The following DDR2 variants were observed in gnomAD, a reference collection of about 807,000 sequenced individuals.
DDR2 encodes the protein discoidin domain receptor tyrosine kinase 2.
DDR2 carries 27 observed loss-of-function variants against 94.9 expected under a neutral mutation model. The ratio of observed to expected loss-of-function variants is 0.28; its 90% confidence interval spans 0.21 to 0.39. The LOEUF (loss-of-function observed/expected upper bound fraction) is 0.39. Among genes scored for constraint, DDR2 ranks in the 10% least tolerant of loss-of-function variants. The pLI is 1.00. For missense variants in DDR2, 783 were observed against 1,076.0 expected (o/e 0.73, Z 3.81); for synonymous variants, 382 against 377.2 (o/e 1.01, Z -0.15).
intron 2 of DDR2, among the ~76,000 whole-genome samples, chr1:162,707,351 T>G (rs576808841): frequency 6.6e-6 from 1 of 152,360 alleles, no homozygotes; most frequent in African/African-American, 2.4e-5. Context: ...CAAACCAGTC[T>G]GTTCTGAATT....
intron 2 of DDR2, among the ~76,000 whole-genome samples, chr1:162,657,798 T>G (rs1481008631): frequency 6.6e-6 from 1 of 151,862 alleles, no homozygotes; most frequent in Non-Finnish European, 1.5e-5. Flanking sequence ...CACCCTCTCC[T>G]TCCTCTTTTC....
chr1:162,666,510 T>C (rs1261853203), intron 2 of DDR2, among the ~76,000 whole-genome samples: 1 of 152,174 alleles, frequency 6.6e-6, no homozygotes, highest in Non-Finnish European at 1.5e-5. Context: ...TTACTAGTTA[T>C]GTAATCTTGA....
intron 2 of DDR2, among the ~76,000 whole-genome samples, chr1:162,713,280 C>T (rs891760405): frequency 4.6e-5 from 7 of 152,134 alleles, no homozygotes; most frequent in Non-Finnish European, 7.4e-5. Flanking sequence ...CTCCAACTCT[C>T]GGAAATGCAC....
At chr1:162,671,723 C>G (rs1392307890) in intron 2 of DDR2, among the ~76,000 whole-genome samples, 1 of 152,182 alleles carries the variant, frequency 6.6e-6, no homozygotes, top group Non-Finnish European at 1.5e-5. Flanking sequence ...TGGACACCTC[C>G]TCGTGAAAGC....
At chr1:162,682,624 T>A (rs1295968133) in intron 2 of DDR2, among the ~76,000 whole-genome samples, 1 of 152,232 alleles carries the variant, frequency 6.6e-6, no homozygotes, top group Non-Finnish European at 1.5e-5. Flanking sequence ...CAAATTCCAA[T>A]TCTATTGCTT....
intron 1 of DDR2, among the ~76,000 whole-genome samples, chr1:162,642,896 T>C (rs764158569): frequency 2.0e-5 from 3 of 152,214 alleles, no homozygotes; most frequent in Admixed American, 6.5e-5. Context: ...CTGCTTAATA[T>C]CATGTTTGGA....
intron 1 of DDR2, among the ~76,000 whole-genome samples, chr1:162,648,791 C>T (rs1657542194): frequency 6.6e-6 from 1 of 152,116 alleles, no homozygotes; most frequent in Non-Finnish European, 1.5e-5. Context: ...GTGGAACAAG[C>T]ACATCAGCTG....
chr1:162,679,836 A>T (rs61811971), intron 2 of DDR2, among the ~76,000 whole-genome samples: 9,754 of 152,092 alleles, frequency 0.064, 360 homozygotes, highest in Admixed American at 0.082. Context: ...TCTGATGAGT[A>T]TGAGATGGTA....
At chr1:162,669,660 T>C (rs1450378285) in intron 2 of DDR2, among the ~76,000 whole-genome samples, 1 of 152,258 alleles carries the variant, frequency 6.6e-6, no homozygotes, top group Non-Finnish European at 1.5e-5. Flanking sequence ...TAATGGCTAA[T>C]ATTTATGAAG....
At chr1:162,725,577 C>G (rs1339588361) in intron 3 of DDR2, among the ~76,000 whole-genome samples, 1 of 152,110 alleles carries the variant, frequency 6.6e-6, no homozygotes, top group Non-Finnish European at 1.5e-5. Flanking sequence ...AGGGGTTTTG[C>G]CATGTTGGCC....
intron 2 of DDR2, among the ~76,000 whole-genome samples, chr1:162,671,162 T>C (rs1658819927): frequency 6.6e-6 from 1 of 151,940 alleles, no homozygotes. Context: ...CCTGAGGAGC[T>C]GGGGGCAGTG....
intron 7 of DDR2, among the ~76,000 whole-genome samples, 154 bp downstream of exon 7, chr1:162,755,923 A>T (rs1292447595): frequency 6.6e-6 from 1 of 152,246 alleles, no homozygotes; most frequent in Non-Finnish European, 1.5e-5. Flanking sequence ...AGGAATACAC[A>T]TGACCTTTAT....
chr1:162,755,571 C>G (rs186645922), intron 6 of DDR2, 93 bp from the exon 7 acceptor site: 1 of 1,255,716 alleles, frequency 8.0e-7, no homozygotes, highest in Admixed American at 1.7e-5. Flanking sequence ...CTGCTGGACA[C>G]GCTGTGCAAG....
At chr1:162,739,541 A>C (rs1246532211) in intron 3 of DDR2, among the ~76,000 whole-genome samples, 1 of 152,148 alleles carries the variant, frequency 6.6e-6, no homozygotes, top group Non-Finnish European at 1.5e-5. Context: ...TCCTGACCTC[A>C]AGTGATCCGC....
chr1:162,641,709 A>G (rs1309603401), intron 1 of DDR2, among the ~76,000 whole-genome samples: 1 of 152,202 alleles, frequency 6.6e-6, no homozygotes, highest in African/African-American at 2.4e-5. Context: ...GTAAGTTTCT[A>G]TTAATTGGTT....
chr1:162,764,405 A>AAG (rs1290443635), intron 9 of DDR2, among the ~76,000 whole-genome samples: 1 of 151,468 alleles, frequency 6.6e-6, no homozygotes, highest in African/African-American at 2.4e-5. Context: ...AAAAAAAAAA[A>AAG]AAAAAAGAAA....
At chr1:162,644,159 A>ATAGAAAG (rs1455099031) in intron 1 of DDR2, among the ~76,000 whole-genome samples, 2 of 152,212 alleles carry the variant, frequency 1.3e-5, no homozygotes, top group Non-Finnish European at 2.9e-5. Context: ...CAAATAGAAA[A>ATAGAAAG]TAGAAATTTG....
chr1:162,782,712 C>G lies in DDR2; in HGVS notation c.*2466C>G, dbSNP rs978893939. ...ACTTATTCTTTTTTATGATTCTGCACCAGTTCACTGGGTTATTCTATGATT... is the reference window on the plus strand; with the variant it reads ...ACTTATTCTTTTTTATGATTCTGCAGCAGTTCACTGGGTTATTCTATGATT... On this transcript the variant is annotated 3_prime_UTR_variant, in exon 18 of 18. Transcript: ENST00000367921. The G allele has an allele frequency of 6.6e-6, 1 of 152,024 alleles. No individual in the cohort carries two copies. Among genetic ancestry groups the G allele is most frequent in the Non-Finnish European group, 1.5e-5 (1 of 68,008 alleles). The allele number at this position is 152,024 out of a possible 1,614,324, so 9.4% of individuals were successfully genotyped here.
chr1:162,772,275 G>T, intron 13 of DDR2, 28 bp downstream of exon 13: 2 of 1,608,592 alleles, frequency 1.2e-6, no homozygotes, highest in Non-Finnish European at 1.7e-6. Context: ...TTCCCTTATA[G>T]CTCGAAGAAG....
Sources: allele counts gnomAD v4.1 joint callset (sites outside exome capture counted in the v4.1 genomes callset), GRCh38; gene constraint gnomAD v4.1.1; transcripts MANE v1.5; gene names NCBI Gene and HGNC (gene_info 2026-07-23, HGNC 2026-07-21).